Variants in LINGO2 observed in about 807,000 individuals in gnomAD.
The protein encoded by LINGO2 is leucine rich repeat and Ig domain containing 2, also known as leucine-rich repeat and immunoglobulin-like domain-containing nogo receptor-interacting protein 2.
A neutral mutation model predicts 30.6 loss-of-function variants in LINGO2; 14 were observed. That is an observed-to-expected ratio of 0.46 (90% confidence interval 0.30 to 0.72). The LOEUF (loss-of-function observed/expected upper bound fraction) is 0.72. Among genes scored for constraint, LINGO2 ranks in the 30% least tolerant of loss-of-function variants. The pLI, the probability that LINGO2 is intolerant of heterozygous loss-of-function variation, is 0.07. For missense variants in LINGO2, 729 were observed against 751.7 expected, an observed-to-expected ratio of 0.97 and a Z score of 0.35; for synonymous variants, 317 against 288.5, an observed-to-expected ratio of 1.10 and a Z score of -1.00.
At chr9:28,691,335 G>A in the LINGO2 span, among the ~76,000 whole-genome samples, 2 of 151,984 alleles carry the variant, frequency 1.3e-5, no homozygotes, top group Non-Finnish European at 2.9e-5. Context: ...TTTCCTGCTC[G>A]CTCACCCTTG....
chr9:28,145,352 A>C (rs916975433), intron 4 of LINGO2, among the ~76,000 whole-genome samples: 5 of 152,226 alleles, frequency 3.3e-5, no homozygotes, highest in African/African-American at 1.2e-4. Flanking sequence ...ATTTATTTGC[A>C]TACTTTGGGT....
the LINGO2 span, among the ~76,000 whole-genome samples, chr9:28,824,503 C>A: frequency 1.3e-5 from 2 of 152,150 alleles, no homozygotes; most frequent in African/African-American, 4.8e-5. Context: ...ACATGCATCA[C>A]TTCAAGACTC....
chr9:28,762,960 G>A, the LINGO2 span, among the ~76,000 whole-genome samples: 1 of 152,004 alleles, frequency 6.6e-6, no homozygotes, highest in African/African-American at 2.4e-5. Context: ...ATTTTACCTA[G>A]TTTATAGTTG....
At chr9:28,034,139 G>C (rs535310834) in intron 4 of LINGO2, among the ~76,000 whole-genome samples, 3 of 152,256 alleles carry the variant, frequency 2.0e-5, no homozygotes, top group African/African-American at 7.2e-5. Context: ...CCTGTGAGGT[G>C]TTTGTTTCCT....
chr9:28,595,120 C>T (rs902680489), intron 1 of LINGO2, among the ~76,000 whole-genome samples: 6 of 152,054 alleles, frequency 3.9e-5, no homozygotes, highest in African/African-American at 1.4e-4. Flanking sequence ...TATCCATCAA[C>T]AATCCTCTTG....
intron 1 of LINGO2, among the ~76,000 whole-genome samples, chr9:28,498,377 C>T (rs1222583303): frequency 2.0e-5 from 3 of 152,184 alleles, no homozygotes; most frequent in Non-Finnish European, 2.9e-5. Flanking sequence ...CTCCGCTAGC[C>T]TCGCTGCTGC....
intron 1 of LINGO2, among the ~76,000 whole-genome samples, chr9:28,565,387 A>C (rs927853856): frequency 2.7e-5 from 4 of 150,642 alleles, no homozygotes; most frequent in African/African-American, 4.9e-5. Context: ...ACGGGGTTTC[A>C]CCATGTTAGC....
At chr9:28,009,744 ACT>A (rs1196923466) in intron 5 of LINGO2, among the ~76,000 whole-genome samples, 1 of 152,176 alleles carries the variant, frequency 6.6e-6, no homozygotes, top group African/African-American at 2.4e-5. Context: ...AGATATGGGA[ACT>A]CTCATATATT....
At chr9:28,444,714 G>T (rs901490756) in intron 2 of LINGO2, among the ~76,000 whole-genome samples, 2 of 152,206 alleles carry the variant, frequency 1.3e-5, no homozygotes, top group African/African-American at 2.4e-5. Flanking sequence ...TCCAACTGGA[G>T]CCTTGCATGG....
chr9:28,292,830 A>G (rs10812773), intron 4 of LINGO2, among the ~76,000 whole-genome samples: 10,955 of 150,042 alleles, frequency 0.073, 714 homozygotes, highest in East Asian at 0.39. Flanking sequence ...GAGTGCAGTG[A>G]CACGATCTCG....
the LINGO2 span, among the ~76,000 whole-genome samples, chr9:28,732,975 C>T: frequency 6.6e-6 from 1 of 152,168 alleles, no homozygotes; most frequent in Non-Finnish European, 1.5e-5. Flanking sequence ...CAAATGAAGG[C>T]TTACCAGACC....
intron 4 of LINGO2, among the ~76,000 whole-genome samples, chr9:28,191,087 A>G (rs1466525739): frequency 6.6e-6 from 1 of 152,338 alleles, no homozygotes; most frequent in East Asian, 1.9e-4. Flanking sequence ...TCTTTAAAAT[A>G]AACAACCAGT....
the LINGO2 span, among the ~76,000 whole-genome samples, chr9:28,970,617 G>A: frequency 6.6e-6 from 1 of 152,130 alleles, no homozygotes; most frequent in Non-Finnish European, 1.5e-5. Flanking sequence ...TCTGGGCCGT[G>A]TTGTTAGAGC....
At chr9:27,995,514 A>G (rs923336599) in intron 5 of LINGO2, among the ~76,000 whole-genome samples, 4 of 152,194 alleles carry the variant, frequency 2.6e-5, no homozygotes, top group Admixed American at 6.5e-5. Context: ...TGAACAACAC[A>G]TTAAAAAGAG....
chr9:28,730,037 T>C, the LINGO2 span, among the ~76,000 whole-genome samples: 2 of 152,050 alleles, frequency 1.3e-5, no homozygotes, highest in Admixed American at 1.3e-4. Flanking sequence ...AAATCTAAAA[T>C]AAAAATAATT....
the LINGO2 span, among the ~76,000 whole-genome samples, chr9:28,890,665 T>C: frequency 6.6e-6 from 1 of 152,086 alleles, no homozygotes; most frequent in East Asian, 1.9e-4. Context: ...TATGTGGCTA[T>C]ATTAAAATTG....
chr9:29,071,026 A>T, the LINGO2 span, among the ~76,000 whole-genome samples: 1 of 150,912 alleles, frequency 6.6e-6, no homozygotes, highest in African/African-American at 2.4e-5. Context: ...CTATTAGAAA[A>T]CAAAAAAACA....
intron 1 of LINGO2, among the ~76,000 whole-genome samples, chr9:28,485,070 C>T (rs553501991): frequency 1.3e-5 from 2 of 152,222 alleles, no homozygotes; most frequent in East Asian, 1.9e-4. Context: ...TAAATCATCT[C>T]TAAGATTCCA....
chr9:28,415,352 A>G (rs867363212), intron 2 of LINGO2, among the ~76,000 whole-genome samples: 4 of 152,176 alleles, frequency 2.6e-5, no homozygotes, highest in Middle Eastern at 6.3e-3. Context: ...TTTGATGACA[A>G]CAGGCAGGAT....
Sources: gnomAD v4.1 joint callset for allele counts (sites outside exome capture counted in the v4.1 genomes callset) on GRCh38, gnomAD v4.1.1 for gene constraint, MANE v1.5 for transcripts, NCBI Gene and HGNC (gene_info 2026-07-23, HGNC 2026-07-21) for gene names.